Variants in LAMA2 observed in about 807,000 individuals in gnomAD.
The protein encoded by LAMA2 is laminin subunit alpha 2, also known as laminin subunit alpha-2.
A neutral mutation model predicts 364.8 loss-of-function variants in LAMA2; 269 were observed. The ratio of observed to expected loss-of-function variants is 0.74; its 90% CI spans 0.67 to 0.82. LAMA2 has a LOEUF of 0.82. Among genes scored for constraint, LAMA2 ranks in the 40% least tolerant of loss-of-function variants. The pLI, the probability that LAMA2 is intolerant of heterozygous loss-of-function variation, is 0.00. For missense variants in LAMA2, 3,807 were observed against 3,873.2 expected, an observed-to-expected ratio of 0.98 and a Z score of 0.45; for synonymous variants, 1,379 against 1,370.6, an observed-to-expected ratio of 1.01 and a Z score of -0.14.
intron 3 of LAMA2, 61 bp downstream of exon 3, chr6:129,059,957 G>T: frequency 2.2e-6 from 2 of 904,766 alleles, no homozygotes; most frequent in Non-Finnish European, 3.7e-6. Context: ...TTTGCTATTT[G>T]TTTAGTTAGT....
At chr6:128,884,426 G>A (rs1463743596) in intron 1 of LAMA2, among the ~76,000 whole-genome samples, 1 of 152,158 alleles carries the variant, frequency 6.6e-6, no homozygotes, top group Non-Finnish European at 1.5e-5. Context: ...GGCTGAATCT[G>A]CTTAAGTTTT....
chr6:129,312,149 A>G (rs1462645795), intron 22 of LAMA2, among the ~76,000 whole-genome samples: 1 of 101,438 alleles, frequency 9.9e-6, no homozygotes, highest in Non-Finnish European at 1.8e-5. Flanking sequence ...CAGTAAGTTG[A>G]TGGAAAAAAA....
intron 1 of LAMA2, among the ~76,000 whole-genome samples, chr6:129,023,927 T>G (rs1439863154): frequency 6.6e-6 from 1 of 152,222 alleles, no homozygotes; most frequent in South Asian, 2.1e-4. Context: ...TCAGTCCATT[T>G]TTGTTGTTGT....
At chr6:129,224,652 G>A (rs1437896698) in intron 12 of LAMA2, among the ~76,000 whole-genome samples, 4 of 152,296 alleles carry the variant, frequency 2.6e-5, no homozygotes, top group South Asian at 4.1e-4. Context: ...ATTTGTGTAT[G>A]TTGAACCAGC....
intron 12 of LAMA2, among the ~76,000 whole-genome samples, chr6:129,205,127 T>C (rs1782537726): frequency 6.6e-6 from 1 of 151,986 alleles, no homozygotes; most frequent in Non-Finnish European, 1.5e-5. Context: ...GGGTGGCTCA[T>C]GCCTGTAATC....
chr6:129,351,734 T>A lies in LAMA2; in HGVS notation c.4524-1430T>A, dbSNP rs114610258. On this transcript the variant is annotated intron_variant, in intron 31 of 64. Coordinates refer to ENST00000421865, the MANE Select transcript of LAMA2 (RefSeq NM_000426.4). ...TTTCAATACTCTTGTAATAAACTCT[T>A]TGAACATTTAATCAATCTGAATCTG... Among the ~76,000 whole-genome samples, 645 of 152,312 alleles carry A rather than the reference T, an allele frequency of 4.2e-3. 6 individuals are homozygous for A. The highest frequency in any genetic ancestry group is 0.015 in the African/African-American group (628 of 41,574).
chr6:129,366,230 G>T lies in LAMA2; in HGVS notation c.4729G>T (p.Glu1577Ter). ...CTTCTCTTTCACAGTTTGTGGAGAT[G>T]AGTGCACTGGCCTTCTTCTCGGTGA... Reference protein sequence around the residue: ...EGWECVFCGDECTGLLLGDLA... With the variant: ...EGWECVFCGD Residue 1577 changes from glutamate (E) to a stop codon, truncating the protein, a stop_gained, in exon 33 of 65, where the codon GAG (glutamate) becomes TAG (stop). Transcript: ENST00000421865. LOFTEE classifies it high-confidence loss of function. 1 of 1,613,830 alleles carries T rather than the reference G, an allele frequency of 6.2e-7. No individual in the cohort carries two copies. The highest frequency in any genetic ancestry group is 8.5e-7 in the Non-Finnish European group (1 of 1,179,952).
intron 29 of LAMA2, among the ~76,000 whole-genome samples, 185 bp downstream of exon 29, chr6:129,328,597 G>C (rs894062532): frequency 6.6e-6 from 1 of 152,144 alleles, no homozygotes; most frequent in African/African-American, 2.4e-5. Context: ...AAATAACTGG[G>C]AGAACCACTG....
At position 129,098,435 on chromosome 6, in the gene LAMA2, C is replaced by T. The variant is rs1300315220; in HGVS notation, c.639+20C>T. 8 of 1,613,036 alleles carry T rather than the reference C, an allele frequency of 5.0e-6. No individual in the cohort carries two copies. Among genetic ancestry groups the T allele is most frequent in the Middle Eastern group, 1.6e-4 (1 of 6,084 alleles). ...GGAGAGGTAAGATGAGAAAACTCAC[C>T]ATTTAAGCACATTTGATACGGTGAA... On this transcript the variant is annotated intron_variant, in intron 4 of 64. Coordinates refer to ENST00000421865, the MANE Select transcript of LAMA2 (RefSeq NM_000426.4).
chr6:129,283,795 A>T (rs546007590), intron 18 of LAMA2, among the ~76,000 whole-genome samples: 7 of 152,070 alleles, frequency 4.6e-5, no homozygotes, highest in Non-Finnish European at 7.4e-5. Flanking sequence ...TACTATGCTC[A>T]TGGGACCTTC....
At chr6:129,397,993 T>C (rs1275112841) in intron 37 of LAMA2, among the ~76,000 whole-genome samples, 5 of 151,740 alleles carry the variant, frequency 3.3e-5, no homozygotes, top group Non-Finnish European at 7.4e-5. Context: ...TCATTTCTGA[T>C]TGAGTATGCT....
chr6:128,948,637 G>A (rs1167352509), intron 1 of LAMA2, among the ~76,000 whole-genome samples: 7 of 152,268 alleles, frequency 4.6e-5, no homozygotes, highest in Admixed American at 2.0e-4. Context: ...AGTATTGGAC[G>A]TGGGGACTGG....
chr6:129,462,426 C>T (rs1018462005), intron 49 of LAMA2, among the ~76,000 whole-genome samples: 1 of 151,898 alleles, frequency 6.6e-6, no homozygotes, highest in African/African-American at 2.4e-5. Flanking sequence ...TGTTCGTGGC[C>T]CACGTCTTTT....
intron 56 of LAMA2, 25 bp from the exon 57 acceptor site, chr6:129,491,876 T>G: frequency 1.9e-6 from 3 of 1,543,140 alleles, no homozygotes; most frequent in Non-Finnish European, 2.7e-6. Context: ...TGACTTATAC[T>G]TGTTTATTTT....
chr6:129,132,672 AG>A (rs1343314762), intron 4 of LAMA2, among the ~76,000 whole-genome samples: 1 of 152,182 alleles, frequency 6.6e-6, no homozygotes, highest in African/African-American at 2.4e-5. Context: ...ACTGCTATAA[AG>A]GGTGGAGCAC....
At chr6:129,442,563 T>C (rs1782171274) in intron 43 of LAMA2, among the ~76,000 whole-genome samples, 1 of 152,170 alleles carries the variant, frequency 6.6e-6, no homozygotes, top group Non-Finnish European at 1.5e-5. Context: ...TAAGTGCAGG[T>C]TTGTTACATA....
chr6:128,994,901 G>T (rs1783831681), intron 1 of LAMA2, among the ~76,000 whole-genome samples: 1 of 151,972 alleles, frequency 6.6e-6, no homozygotes, highest in Non-Finnish European at 1.5e-5. Flanking sequence ...GAGTTTAAGA[G>T]GTATTGATAA....
intron 20 of LAMA2, 144 bp from the exon 21 acceptor site, chr6:129,297,540 GA>G: frequency 6.8e-6 from 5 of 739,884 alleles, no homozygotes; most frequent in South Asian, 3.2e-5. Flanking sequence ...TTGATTGAAT[GA>G]AAACCCAATT....
At chr6:129,208,447 C>G (rs1490164736) in intron 12 of LAMA2, among the ~76,000 whole-genome samples, 3 of 149,760 alleles carry the variant, frequency 2.0e-5, no homozygotes, top group East Asian at 2.0e-4. Context: ...AAAGACTCCC[C>G]TCACACATAA....
Sources: gnomAD v4.1 joint callset for allele counts (sites outside exome capture counted in the v4.1 genomes callset) on GRCh38, gnomAD v4.1.1 for gene constraint, MANE v1.5 for transcripts, NCBI Gene and HGNC (gene_info 2026-07-23, HGNC 2026-07-21) for gene names.